P4HA1: variants seen among roughly 807,000 people sequenced by gnomAD.
P4HA1 encodes prolyl 4-hydroxylase subunit alpha-1.
P4HA1 carries 24 observed loss-of-function variants against 72.8 expected under a neutral mutation model. The ratio of observed to expected loss-of-function variants is 0.33; its 90% confidence interval spans 0.24 to 0.46. The LOEUF is 0.46. Among genes scored for constraint, P4HA1 ranks in the 20% least tolerant of loss-of-function variants. The pLI is 1.00. For missense variants in P4HA1, 446 were observed against 640.6 expected, an observed-to-expected ratio of 0.70 and a Z score of 3.28; for synonymous variants, 201 against 218.8, an observed-to-expected ratio of 0.92 and a Z score of 0.72.
At chr10:73,021,057 C>A (rs1840123233) in intron 10 of P4HA1, among the ~76,000 whole-genome samples, 1 of 152,146 alleles carries the variant, frequency 6.6e-6, no homozygotes, top group Admixed American at 6.5e-5. Context: ...ACTGCATTAA[C>A]CCAGGAGGTG....
intron 3 of P4HA1, among the ~76,000 whole-genome samples, chr10:73,072,424 C>T (rs573342444): frequency 6.6e-6 from 1 of 152,072 alleles, no homozygotes; most frequent in Admixed American, 6.5e-5. Flanking sequence ...GTAAATGGAA[C>T]CTCCCTGTCT....
At chr10:73,015,050 T>TG (rs1839984321) in intron 11 of P4HA1, among the ~76,000 whole-genome samples, 1 of 151,770 alleles carries the variant, frequency 6.6e-6, no homozygotes, top group Non-Finnish European at 1.5e-5. Flanking sequence ...AGACTGGTCT[T>TG]GAACTCCTGA....
intron 14 of P4HA1, among the ~76,000 whole-genome samples, chr10:73,009,346 G>A (rs985549486): frequency 2.6e-5 from 4 of 152,140 alleles, no homozygotes; most frequent in African/African-American, 4.8e-5. Context: ...TGCACATTAG[G>A]TGCTACTCGA....
At chr10:73,081,676 A>T (rs1179741394) in intron 1 of P4HA1, among the ~76,000 whole-genome samples, 1 of 152,226 alleles carries the variant, frequency 6.6e-6, no homozygotes, top group Non-Finnish European at 1.5e-5. Flanking sequence ...TCCCCAACAT[A>T]GGACAGTTTG....
intron 9 of P4HA1, among the ~76,000 whole-genome samples, chr10:73,031,189 G>A (rs1177380750): frequency 6.6e-6 from 1 of 152,096 alleles, no homozygotes; most frequent in Non-Finnish European, 1.5e-5. Flanking sequence ...GTCACAAAAA[G>A]GAATAAAGTA....
chr10:73,072,726 T>C (rs1278808473), intron 3 of P4HA1, among the ~76,000 whole-genome samples: 18 of 152,200 alleles, frequency 1.2e-4, no homozygotes, highest in Admixed American at 1.2e-3. Flanking sequence ...AGAAAAACTG[T>C]ATCAATTAAA....
chr10:73,065,568 C>T (rs1295684944), intron 5 of P4HA1: 1 of 152,076 alleles, frequency 6.6e-6, no homozygotes, highest in Non-Finnish European at 1.5e-5. Flanking sequence ...ACCCAGATTG[C>T]TAAAATTTTT....
intron 1 of P4HA1, 92 bp from the exon 2 acceptor site, chr10:73,075,007 G>T (rs1463484992): frequency 3.5e-6 from 2 of 575,660 alleles, no homozygotes; most frequent in Non-Finnish European, 6.2e-6. Context: ...AAAAGTAAAA[G>T]ATTCCAAGGT....
At chr10:73,053,706 C>T in intron 5 of P4HA1, 116 bp from the exon 6 acceptor site, 1 of 824,716 alleles carries the variant, frequency 1.2e-6, no homozygotes, top group South Asian at 1.7e-5. Flanking sequence ...CAATAATCCT[C>T]TGGATGAGCA....
chr10:73,048,313 C>T (rs1178976146), intron 7 of P4HA1, among the ~76,000 whole-genome samples: 1 of 152,152 alleles, frequency 6.6e-6, no homozygotes, highest in Non-Finnish European at 1.5e-5. Context: ...ACCCAGGCTG[C>T]ACTGCAATGC....
At chr10:73,030,229 C>G (rs1589586661) in intron 10 of P4HA1, 42 bp downstream of exon 10, 2 of 1,008,504 alleles carry the variant, frequency 2.0e-6, no homozygotes, top group East Asian at 5.1e-5. Flanking sequence ...TCAAGCATCT[C>G]CTGAAGTGTA....
rs1172374558 is a variant in P4HA1, at chr10:73,007,842, A to G, written c.*380T>C. On this transcript the variant is annotated 3_prime_UTR_variant, in exon 15 of 15. Transcript: ENST00000394890. ...GAACACCTAGGCACATCTGTAAGGC[A>G]TTTGTTTCCTATCACACAGCCCATT... 1 of 166,672 alleles carries G rather than the reference A, an allele frequency of 6.0e-6. No homozygotes were observed. The highest frequency in any genetic ancestry group is 5.8e-5 in the Admixed American group (1 of 17,220). 10.3% of individuals were successfully genotyped at this position (166,672 alleles called of 1,614,324 possible).
chr10:73,042,064 C>T (rs191142901), intron 9 of P4HA1, among the ~76,000 whole-genome samples: 103 of 151,884 alleles, frequency 6.8e-4, no homozygotes, highest in African/African-American at 2.2e-3. Flanking sequence ...GCTCAGGCTG[C>T]GGTCTTCATT....
intron 5 of P4HA1, among the ~76,000 whole-genome samples, chr10:73,061,588 A>G (rs1841315622): frequency 6.6e-6 from 1 of 152,176 alleles, no homozygotes; most frequent in African/African-American, 2.4e-5. Flanking sequence ...GGGAGATAGT[A>G]AGTGGTTATG....
intron 1 of P4HA1, among the ~76,000 whole-genome samples, chr10:73,076,010 GC>G (rs959657196): frequency 3.3e-5 from 5 of 152,084 alleles, no homozygotes; most frequent in African/African-American, 1.2e-4. Flanking sequence ...GGAGGCTGAG[GC>G]AGGAGGATCA....
intron 12 of P4HA1, 75 bp from the exon 13 acceptor site, chr10:73,011,112 T>TAA: frequency 9.3e-7 from 1 of 1,078,630 alleles, no homozygotes; most frequent in Non-Finnish European, 1.4e-6. Context: ...AGACTTGATA[T>TAA]TGGATACTAG....
intron 10 of P4HA1, among the ~76,000 whole-genome samples, chr10:73,020,331 C>T (rs978924198): frequency 3.9e-5 from 6 of 151,926 alleles, no homozygotes; most frequent in African/African-American, 1.4e-4. Flanking sequence ...AACACACAAC[C>T]TCCCAAGACT....
At chr10:73,047,582 A>G (rs1840901931) in intron 7 of P4HA1, among the ~76,000 whole-genome samples, 1 of 148,296 alleles carries the variant, frequency 6.7e-6, no homozygotes, top group African/African-American at 2.5e-5. Flanking sequence ...GAATTTTTTT[A>G]AGGGCAAAAT....
intron 9 of P4HA1, chr10:73,044,102 C>T: frequency 2.0e-6 from 1 of 499,552 alleles, no homozygotes; most frequent in South Asian, 4.3e-5. Flanking sequence ...TCCACAAAAA[C>T]ATTTAGAAAA....
Sources: gnomAD v4.1 joint callset for allele counts (sites outside exome capture counted in the v4.1 genomes callset) on GRCh38, gnomAD v4.1.1 for gene constraint, MANE v1.5 for transcripts, NCBI Gene and HGNC (gene_info 2026-07-23, HGNC 2026-07-21) for gene names.